UBE2G1: variants seen among roughly 807,000 people sequenced by gnomAD.
UBE2G1 encodes ubiquitin-conjugating enzyme E2 G1.
In UBE2G1, 5 loss-of-function variants were observed where a neutral mutation model predicts 22.7. The ratio of observed to expected loss-of-function variants is 0.22; its 90% confidence interval spans 0.12 to 0.46. The LOEUF (loss-of-function observed/expected upper bound fraction) is 0.46, where lower values mean the gene tolerates loss of function less well. Ranked by LOEUF, UBE2G1 falls within the 20% of genes least tolerant of loss-of-function variation. The pLI, the probability that UBE2G1 is intolerant of heterozygous loss-of-function variation, is 0.99. For synonymous variants in UBE2G1, 74 were observed against 67.5 expected, an observed-to-expected ratio of 1.10 and a Z score of -0.47; for missense variants, 88 against 203.9, an observed-to-expected ratio of 0.43 and a Z score of 3.46.
rs540780395 is a variant in UBE2G1 at position 4,288,351 on chromosome 17, C to G, written c.426+879G>C. ...AAGTGATTCTCCTGCCTCAGCCTCC[C>G]GAGTAGCTGGGACTATAGGCGCCCG... On this transcript the variant is annotated intron_variant, in intron 4 of 5. Transcript: ENST00000396981. Among the ~76,000 whole-genome samples, 3 of 152,144 alleles carry G rather than the reference C, an allele frequency of 2.0e-5. No individual in the cohort carries two copies. The East Asian group carries it at 5.8e-4, about 29-fold the overall frequency.
intron 1 of UBE2G1, among the ~76,000 whole-genome samples, chr17:4,311,177 A>C (rs1191055926): frequency 2.0e-5 from 3 of 152,174 alleles, no homozygotes; most frequent in Admixed American, 2.0e-4. Context: ...CAGTGACCTC[A>C]GATGACACCA....
Position 4,310,915 on chromosome 17 carries a change from T to C in UBE2G1, c.47-3792A>G, listed in dbSNP as rs62064447. On this transcript the variant is annotated intron_variant, in intron 1 of 5. Coordinates refer to ENST00000396981, the MANE Select transcript of UBE2G1 (RefSeq NM_003342.5). ...AAGAAGTGGGGCTTAAAGTAGTAAGTCAAAAATGACATGAGCTGGGCATGG... is the reference window on the plus strand; with the variant it reads ...AAGAAGTGGGGCTTAAAGTAGTAAGCCAAAAATGACATGAGCTGGGCATGG... Among the ~76,000 whole-genome samples the C allele has an allele frequency of 4.2e-3, 642 of 152,134 alleles. 2 individuals carry two copies. The highest frequency in any genetic ancestry group is 8.9e-3 in the African/African-American group (370 of 41,512).
At chr17:4,319,194 A>G (rs1255817769) in intron 1 of UBE2G1, among the ~76,000 whole-genome samples, 1 of 152,208 alleles carries the variant, frequency 6.6e-6, no homozygotes, top group Admixed American at 6.5e-5. Context: ...AAATATACAG[A>G]TTGAAAACAT....
At chr17:4,273,891 CAG>C (rs1341665315) in intron 5 of UBE2G1, among the ~76,000 whole-genome samples, 1 of 152,142 alleles carries the variant, frequency 6.6e-6, no homozygotes, top group Non-Finnish European at 1.5e-5. Flanking sequence ...AAATTCCTCA[CAG>C]AGAAGCCAAA....
intron 1 of UBE2G1, among the ~76,000 whole-genome samples, chr17:4,333,441 C>T (rs531913344): frequency 1.3e-5 from 2 of 152,110 alleles, no homozygotes; most frequent in African/African-American, 4.8e-5. Context: ...CTTGGGAGGT[C>T]GAGGCAGGCA....
chr17:4,364,028 G>T (rs1970000768), intron 1 of UBE2G1: 1 of 149,674 alleles, frequency 6.7e-6, no homozygotes, highest in Non-Finnish European at 1.5e-5. Context: ...ACTTTGGGAG[G>T]CCCAGGCAGG....
At position 4,271,226 on chromosome 17, in the gene UBE2G1, T is replaced by G. The variant is rs1430487927; in HGVS notation, c.*1328A>C. ...TTAGTGACGGGATCTATACGTCAAA[T>G]AGCAAAGCATTTACCCCTGTAATGC... On this transcript the variant is annotated 3_prime_UTR_variant, in exon 6 of 6. Coordinates refer to ENST00000396981, the MANE Select transcript of UBE2G1 (RefSeq NM_003342.5). 5 of 152,622 alleles carry G rather than the reference T, an allele frequency of 3.3e-5. No homozygotes were observed. The highest frequency in any genetic ancestry group is 1.2e-4 in the African/African-American group (5 of 41,462). 9.5% of individuals were successfully genotyped at this position (152,622 alleles called of 1,614,324 possible).
At chr17:4,290,459 G>T (rs1969020249) in intron 3 of UBE2G1, among the ~76,000 whole-genome samples, 1 of 151,880 alleles carries the variant, frequency 6.6e-6, no homozygotes, top group African/African-American at 2.4e-5. Flanking sequence ...TTATTTTTTG[G>T]TGTTGTCTGT....
At chr17:4,339,128 C>T (rs192169835) in intron 1 of UBE2G1, among the ~76,000 whole-genome samples, 11 of 152,134 alleles carry the variant, frequency 7.2e-5, no homozygotes, top group African/African-American at 2.4e-4. Context: ...TTTTTCTTTT[C>T]GACATTAACA....
intron 5 of UBE2G1, among the ~76,000 whole-genome samples, chr17:4,275,744 A>C (rs1010110569): frequency 2.0e-5 from 3 of 152,168 alleles, no homozygotes; most frequent in Non-Finnish European, 4.4e-5. Flanking sequence ...TGTAAGTGAA[A>C]ACAGCCAATA....
At chr17:4,342,154 C>T (rs1969719338) in intron 1 of UBE2G1, among the ~76,000 whole-genome samples, 1 of 152,226 alleles carries the variant, frequency 6.6e-6, no homozygotes, top group Non-Finnish European at 1.5e-5. Flanking sequence ...TTCTCTACTT[C>T]AGTGTCTAAT....
chr17:4,298,649 T>C (rs575440074), intron 2 of UBE2G1, among the ~76,000 whole-genome samples: 1 of 152,226 alleles, frequency 6.6e-6, no homozygotes, highest in African/African-American at 2.4e-5. Context: ...TACAATTTTT[T>C]TAGTAAAAAG....
chr17:4,294,179 G>T (rs1969077037), intron 3 of UBE2G1, among the ~76,000 whole-genome samples: 1 of 152,162 alleles, frequency 6.6e-6, no homozygotes, highest in Non-Finnish European at 1.5e-5. Flanking sequence ...ACTTTGGGAG[G>T]CTGAGGCAGA....
chr17:4,316,727 G>A (rs1028636997), intron 1 of UBE2G1, among the ~76,000 whole-genome samples: 5 of 151,990 alleles, frequency 3.3e-5, no homozygotes, highest in Non-Finnish European at 7.4e-5. Context: ...GCTCATACCT[G>A]TAATCTCAGT....
At chr17:4,315,348 T>G (rs1325565917) in intron 1 of UBE2G1, among the ~76,000 whole-genome samples, 1 of 152,194 alleles carries the variant, frequency 6.6e-6, no homozygotes, top group East Asian at 1.9e-4. Flanking sequence ...GATCATTATG[T>G]AAAAGTAAAA....
intron 1 of UBE2G1, among the ~76,000 whole-genome samples, chr17:4,309,217 C>T (rs1294357287): frequency 1.3e-5 from 2 of 152,152 alleles, no homozygotes; most frequent in Non-Finnish European, 2.9e-5. Flanking sequence ...CAAGACCATG[C>T]CACTGTATTC....
intron 1 of UBE2G1, among the ~76,000 whole-genome samples, chr17:4,344,611 T>C (rs1281305172): frequency 6.7e-6 from 1 of 150,172 alleles, no homozygotes; most frequent in African/African-American, 2.4e-5. Flanking sequence ...ACACCTGTAA[T>C]CCTAGCACTT....
intron 2 of UBE2G1, among the ~76,000 whole-genome samples, chr17:4,305,439 A>G (rs757226042): frequency 6.6e-6 from 1 of 152,236 alleles, no homozygotes; most frequent in South Asian, 2.1e-4. Flanking sequence ...CAGTATTCTC[A>G]GCAGCATATA....
At chr17:4,328,639 C>A (rs1969528603) in intron 1 of UBE2G1, among the ~76,000 whole-genome samples, 1 of 152,120 alleles carries the variant, frequency 6.6e-6, no homozygotes, top group African/African-American at 2.4e-5. Flanking sequence ...TACCAAGAAC[C>A]CATAAAACAA....
Sources: gnomAD v4.1 joint callset for allele counts (sites outside exome capture counted in the v4.1 genomes callset) on GRCh38, gnomAD v4.1.1 for gene constraint, MANE v1.5 for transcripts, NCBI Gene and HGNC (gene_info 2026-07-23, HGNC 2026-07-21) for gene names.